Variants in LAMP1 observed in about 807,000 individuals in gnomAD.
LAMP1 encodes lysosome associated membrane protein 1.
LAMP1 carries 7 observed loss-of-function variants against 37.5 expected under a neutral mutation model. That is an observed-to-expected ratio of 0.19 (90% CI 0.11 to 0.35). The LOEUF is 0.35. LAMP1 is among the 10% of genes least tolerant of loss of function. The probability of loss-of-function intolerance (pLI) is 1.00; values close to 1 mark genes in which losing one functional copy is unlikely to be tolerated. For synonymous variants in LAMP1, 236 were observed against 229.1 expected, an observed-to-expected ratio of 1.03 and a Z score of -0.27; for missense variants, 537 against 552.8, an observed-to-expected ratio of 0.97 and a Z score of 0.29.
At chr13:113,311,621 G>T (rs562351472) in intron 4 of LAMP1, among the ~76,000 whole-genome samples, 14 of 152,312 alleles carry the variant, frequency 9.2e-5, no homozygotes, top group Non-Finnish European at 1.6e-4. Context: ...GGGCTGCGAT[G>T]ATGTACCTGC....
intron 4 of LAMP1, among the ~76,000 whole-genome samples, chr13:113,312,864 C>T (rs2042637816): frequency 6.6e-6 from 1 of 152,230 alleles, no homozygotes; most frequent in Admixed American, 6.5e-5. Flanking sequence ...AGGGGCAGTG[C>T]TCCCTACCAA....
At position 113,321,858 on chromosome 13, in the gene LAMP1, G is replaced by C. The variant is rs2042702573; in HGVS notation, c.1114+131G>C. ...CCTCTGCAAGGAGCTGTTTCTTCTT[G>C]CCGGTCTGAGATTCTAGAGGTAACT... is the stretch of plus-strand genomic sequence containing the variant. On this transcript the variant is annotated intron_variant, in intron 8 of 8. Coordinates refer to ENST00000332556, the MANE Select transcript of LAMP1 (RefSeq NM_005561.4). The surrounding 1 kb of genome is among the most constrained non-coding windows in gnomAD (Gnocchi z 5.6). The C allele has an allele frequency of 3.3e-6, 3 of 899,742 alleles. No individual in the cohort carries two copies. The highest frequency in any genetic ancestry group is 5.0e-6 in the Non-Finnish European group (3 of 598,484). 55.7% of individuals were successfully genotyped at this position (899,742 alleles called of 1,614,324 possible).
At chr13:113,311,713 C>G (rs2042631868) in intron 4 of LAMP1, among the ~76,000 whole-genome samples, 1 of 152,208 alleles carries the variant, frequency 6.6e-6, no homozygotes, top group Admixed American at 6.5e-5. Flanking sequence ...TAGTTTACCT[C>G]TCATTTTCTT....
rs755576074 is a variant in LAMP1 at position 113,319,653 on chromosome 13, C to T, written c.747C>T (p.Asn249=). The change falls in exon 5 of 9, where the codon AAC becomes AAT. Residue 249 remains asparagine (N), a synonymous_variant. Coordinates refer to ENST00000332556, the MANE Select transcript of LAMP1 (RefSeq NM_005561.4). ...QLNLTYERKD[N]TTVTRLLNIN... ...ACCTCACCTATGAGAGGAAGGACAACACGGTAGGGCTGGGGCCTCACCTGG... is the reference window on the plus strand; with the variant it reads ...ACCTCACCTATGAGAGGAAGGACAATACGGTAGGGCTGGGGCCTCACCTGG... 2 of 1,607,796 alleles carry T rather than the reference C, an allele frequency of 1.2e-6. No individual in the cohort carries two copies. The highest frequency in any genetic ancestry group is 1.7e-6 in the Non-Finnish European group (2 of 1,178,156).
chr13:113,321,227 C>T lies in LAMP1; in HGVS notation c.877-177C>T. 1.6e-6 allele frequency: 1 copy of T among 634,864 alleles called. No homozygotes were observed. The highest frequency in any genetic ancestry group is 2.8e-6 in the Non-Finnish European group (1 of 357,034). 39.3% of individuals were successfully genotyped at this position (634,864 alleles called of 1,614,324 possible). A position where few individuals can be genotyped will look rare whatever the true frequency, so the allele number is the denominator to read the frequency against. ...AAAATTTTCATTCCCCAGAGATACA[C>T]AACGCCTTTTATAGACAAGATCTTT... On this transcript the variant is annotated intron_variant, in intron 6 of 8. Transcript: ENST00000332556. This position sits in a 1 kb window ranked among gnomAD's most constrained non-coding sequence, Gnocchi z 5.6.
At chr13:113,312,934 A>T (rs2042638236) in intron 4 of LAMP1, among the ~76,000 whole-genome samples, 1 of 152,106 alleles carries the variant, frequency 6.6e-6, no homozygotes, top group Non-Finnish European at 1.5e-5. Flanking sequence ...TTTCCAAATT[A>T]TCTGGGCTCC....
chr13:113,312,114 G>A (rs2042633606), intron 4 of LAMP1, among the ~76,000 whole-genome samples: 2 of 152,178 alleles, frequency 1.3e-5, no homozygotes, highest in South Asian at 4.1e-4. Flanking sequence ...AGGAGTGACT[G>A]CTGGGCTCCA....
At chr13:113,305,477 A>G (rs2042593782) in intron 1 of LAMP1, 1 of 152,264 alleles carries the variant, frequency 6.6e-6, no homozygotes, top group South Asian at 2.1e-4. Flanking sequence ...TACAATTACC[A>G]GTGTCTCTAC....
In LAMP1 at chr13:113,323,309, TG is replaced by T. The variant is rs2139380102; in HGVS notation, c.*889del. 1 of 152,372 alleles carries T rather than the reference TG, an allele frequency of 6.6e-6. No individual in the cohort carries two copies. Among genetic ancestry groups the T allele is most frequent in the Non-Finnish European group, 1.5e-5 (1 of 68,052 alleles). 9.4% of individuals were successfully genotyped at this position (152,372 alleles called of 1,614,324 possible). ...TTCGGGGTGATCCTGTTCTGCGCTG[TG>T]TACAATGTGAGATCGGTGCGTTCTC... On this transcript the variant is annotated 3_prime_UTR_variant, in exon 9 of 9. Transcript: ENST00000332556.
rs147014005 is a variant in LAMP1 at position 113,319,107 on chromosome 13, G to A, written c.563-362G>A. ...CCTGCGTCCACTCCTTCGTGACAGC[G>A]TTCAAGGCTTTCTCACCCTCACTTT... On this transcript the variant is annotated intron_variant, in intron 4 of 8. Transcript: ENST00000332556. Among the ~76,000 whole-genome samples the A allele has an allele frequency of 2.2e-3, 328 of 152,346 alleles. 1 individual carries two copies. Among genetic ancestry groups the A allele is most frequent in the African/African-American group, 7.4e-3 (306 of 41,584 alleles).
chr13:113,299,843 C>G (rs1303280033), intron 1 of LAMP1, among the ~76,000 whole-genome samples: 1 of 152,088 alleles, frequency 6.6e-6, no homozygotes, highest in Admixed American at 6.6e-5. Flanking sequence ...GGATTACAGC[C>G]ATGAGCCACC....
Position 113,320,139 on chromosome 13 carries a change from G to A in LAMP1, c.751-206G>A, listed in dbSNP as rs183176300. Among the ~76,000 whole-genome samples, 6 of 152,318 alleles carry A rather than the reference G, an allele frequency of 3.9e-5. No homozygotes were observed. The highest frequency in any genetic ancestry group is 1.4e-4 in the African/African-American group (6 of 41,580). ...TGCTGGTTGCCCTCCACGCGGGGAC[G>A]CTGCACTCCAAGAGCAGCTGTCACG... On this transcript the variant is annotated intron_variant, in intron 5 of 8. Transcript: ENST00000332556. This position sits in a 1 kb window ranked among gnomAD's most constrained non-coding sequence, Gnocchi z 4.4.
chr13:113,315,984 T>TC (rs1566402467), intron 4 of LAMP1, among the ~76,000 whole-genome samples: 2 of 151,858 alleles, frequency 1.3e-5, no homozygotes, highest in African/African-American at 4.8e-5. Flanking sequence ...GTGCCTGTAG[T>TC]CCCCCCTACT....
intron 4 of LAMP1, among the ~76,000 whole-genome samples, chr13:113,314,470 A>G (rs1448517711): frequency 1.9e-3 from 62 of 33,240 alleles, no homozygotes; most frequent in South Asian, 4.4e-3. Flanking sequence ...CCTGGAGGGA[A>G]CCAGTGTGGA....
In LAMP1 at chr13:113,320,056, C is replaced by T. The variant is rs781521522; in HGVS notation, c.751-289C>T. On this transcript the variant is annotated intron_variant, in intron 5 of 8. Transcript: ENST00000332556. The surrounding 1 kb of genome is among the most constrained non-coding windows in gnomAD (Gnocchi z 4.4). ...TGACAGGCTGTGGGGTTGTGGGGGT[C>T]GACTTGCGTGCCGTGGGGTGAGTTT... 2.4e-4 allele frequency among the ~76,000 whole-genome samples: 36 copies of T among 152,160 alleles called. No individual in the cohort carries two copies. Among genetic ancestry groups the T allele is most frequent in the Admixed American group, 1.6e-3 (25 of 15,274 alleles).
At position 113,321,773 on chromosome 13, in the gene LAMP1, T is replaced by C; in HGVS notation, c.1114+46T>C. ...CTGTCGCGGGGTGTGGAGGACGTGC[T>C]TCAGACTCCGCCTGTGGACGTTTAG... On this transcript the variant is annotated intron_variant, in intron 8 of 8. Coordinates refer to ENST00000332556, the MANE Select transcript of LAMP1 (RefSeq NM_005561.4). The surrounding 1 kb of genome is among the most constrained non-coding windows in gnomAD (Gnocchi z 5.6). The C allele has an allele frequency of 6.3e-7, 1 of 1,586,826 alleles. No homozygotes were observed. Among genetic ancestry groups the C allele is most frequent in the East Asian group, 2.2e-5 (1 of 44,720 alleles).
At position 113,319,561 on chromosome 13, in the gene LAMP1, G is replaced by C; in HGVS notation, c.655G>C (p.Val219Leu). The change falls in exon 5 of 9, where the codon GTG becomes CTG. Residue 219 changes from valine (V) to leucine (L), a missense_variant. By Grantham distance (32) the Val-to-Leu change is conservative (BLOSUM62 1). Coordinates refer to ENST00000332556, the MANE Select transcript of LAMP1 (RefSeq NM_005561.4). ...CTCACCCGTGCCCAAGAGCCCCTCT[G>C]TGGACAAGTACAACGTGAGCGGCAC... ...SPSPVPKSPS[V>L]DKYNVSGTNG... 1 of 1,614,018 alleles carries C rather than the reference G, an allele frequency of 6.2e-7. No homozygotes were observed.
chr13:113,300,120 A>G (rs1356916449), intron 1 of LAMP1, among the ~76,000 whole-genome samples: 1 of 152,198 alleles, frequency 6.6e-6, no homozygotes, highest in Non-Finnish European at 1.5e-5. Flanking sequence ...CCTTTAAACC[A>G]TTGATGTCAG....
At chr13:113,300,500 A>G (rs879805021) in intron 1 of LAMP1, among the ~76,000 whole-genome samples, 56 of 150,672 alleles carry the variant, frequency 3.7e-4, no homozygotes, top group African/African-American at 6.6e-4. Context: ...AAAAAAAAAA[A>G]AAAAAGAAAA....
Sources: allele counts gnomAD v4.1 joint callset (sites outside exome capture counted in the v4.1 genomes callset), GRCh38; gene constraint gnomAD v4.1.1; non-coding constraint Gnocchi (gnomAD v3.1); transcripts MANE v1.5; gene names NCBI Gene and HGNC (gene_info 2026-07-23, HGNC 2026-07-21).